The following CPQ variants were observed in gnomAD, a reference collection of about 807,000 sequenced individuals.
CPQ encodes the protein carboxypeptidase Q.
Under a neutral mutation model 45.7 loss-of-function variants are expected in CPQ, and 37 were observed. That is an observed-to-expected ratio of 0.81 (90% CI 0.62 to 1.07). The LOEUF (loss-of-function observed/expected upper bound fraction) is 1.07. Among genes scored for constraint, CPQ ranks in the 50% least tolerant of loss-of-function variants. The pLI is 0.00. For synonymous variants in CPQ, 186 were observed against 205.8 expected, an observed-to-expected ratio of 0.90 and a Z score of 0.82; for missense variants, 537 against 572.9, an observed-to-expected ratio of 0.94 and a Z score of 0.64.
chr8:96,685,109 A>G (rs1048871871), intron 1 of CPQ, among the ~76,000 whole-genome samples: 1 of 151,996 alleles, frequency 6.6e-6, no homozygotes, highest in Non-Finnish European at 1.5e-5. Context: ...CATCTCAAAA[A>G]CAAACAAACA....
chr8:97,076,082 G>A (rs917106482), intron 7 of CPQ, among the ~76,000 whole-genome samples: 2 of 152,156 alleles, frequency 1.3e-5, no homozygotes, highest in African/African-American at 4.8e-5. Flanking sequence ...CTGGAGTGCA[G>A]TAGCACGATC....
At chr8:96,806,609 A>T in intron 2 of CPQ, among the ~76,000 whole-genome samples, 1 of 152,360 alleles carries the variant, frequency 6.6e-6, no homozygotes, top group East Asian at 1.9e-4. Flanking sequence ...TGAATTAAAC[A>T]ACGTTGAATT....
At chr8:96,991,704 T>C (rs1269531084) in intron 5 of CPQ, among the ~76,000 whole-genome samples, 3 of 152,144 alleles carry the variant, frequency 2.0e-5, no homozygotes, top group Non-Finnish European at 4.4e-5. Flanking sequence ...TGTTTAACAC[T>C]GTATCCCCAG....
intron 3 of CPQ, among the ~76,000 whole-genome samples, chr8:96,864,933 G>C (rs1468713099): frequency 6.6e-6 from 1 of 151,920 alleles, no homozygotes; most frequent in Admixed American, 6.6e-5. Context: ...TACTGGACAA[G>C]TTACTTAAAT....
intron 6 of CPQ, among the ~76,000 whole-genome samples, chr8:97,036,156 G>A (rs535103170): frequency 6.6e-6 from 1 of 152,242 alleles, no homozygotes; most frequent in East Asian, 1.9e-4. Context: ...GGAGGACATA[G>A]AAATGCCGTC....
chr8:97,107,871 C>CAA (rs1244431851), intron 7 of CPQ, among the ~76,000 whole-genome samples: 14 of 152,116 alleles, frequency 9.2e-5, no homozygotes, highest in African/African-American at 2.7e-4. Flanking sequence ...AAAGGATAGC[C>CAA]AAAGCCATTA....
chr8:96,663,264 A>C (rs1054239721), intron 1 of CPQ, among the ~76,000 whole-genome samples: 10 of 152,184 alleles, frequency 6.6e-5, no homozygotes, highest in Non-Finnish European at 1.5e-4. Context: ...TTGGCACTGG[A>C]GACTGTCTGG....
At chr8:97,015,829 T>C (rs1013822927) in intron 5 of CPQ, among the ~76,000 whole-genome samples, 1 of 152,116 alleles carries the variant, frequency 6.6e-6, no homozygotes, top group African/African-American at 2.4e-5. Context: ...TTGAACATTA[T>C]TGATTATAAT....
Position 96,854,425 on chromosome 8 carries a change from G to T in CPQ, c.641+19245G>T, listed in dbSNP as rs994051302. ...GGGCGCCTGTAGTCCCAGCTACTTG[G>T]GAGGCTGAGGCAGGAGAATGGCGTG... On this transcript the variant is annotated intron_variant, in intron 3 of 7. Coordinates refer to ENST00000220763, the MANE Select transcript of CPQ (RefSeq NM_016134.4). Among the ~76,000 whole-genome samples the T allele has an allele frequency of 3.4e-5, 5 of 148,030 alleles. No homozygotes were observed. The East Asian group carries it at 7.9e-4, about 24-fold the overall frequency.
chr8:96,777,265 G>A (rs1239472676), intron 1 of CPQ, among the ~76,000 whole-genome samples: 1 of 152,096 alleles, frequency 6.6e-6, no homozygotes, highest in African/African-American at 2.4e-5. Context: ...ATGGTGGAAG[G>A]TACAGCAGCA....
chr8:97,136,674 T>C (rs2130628921), intron 7 of CPQ, among the ~76,000 whole-genome samples: 1 of 152,328 alleles, frequency 6.6e-6, no homozygotes, highest in South Asian at 2.1e-4. Context: ...CTTCACATTC[T>C]TAAACTCCAA....
chr8:96,683,328 A>G (rs531275349), intron 1 of CPQ, among the ~76,000 whole-genome samples: 1 of 152,272 alleles, frequency 6.6e-6, no homozygotes, highest in East Asian at 1.9e-4. Context: ...GGCACTTTGA[A>G]TATATCATTC....
chr8:97,054,123 G>C (rs1192061329), intron 6 of CPQ, among the ~76,000 whole-genome samples: 3 of 152,010 alleles, frequency 2.0e-5, no homozygotes, highest in Admixed American at 6.6e-5. Context: ...TCAATGAATT[G>C]ACATTTCTCA....
intron 1 of CPQ, among the ~76,000 whole-genome samples, chr8:96,744,622 CTG>C (rs1810151108): frequency 6.6e-6 from 1 of 152,146 alleles, no homozygotes; most frequent in Non-Finnish European, 1.5e-5. Flanking sequence ...ACTAATAAAA[CTG>C]TACCAGTTTT....
At chr8:96,780,865 A>G (rs932657988) in intron 1 of CPQ, among the ~76,000 whole-genome samples, 5 of 152,064 alleles carry the variant, frequency 3.3e-5, no homozygotes, top group African/African-American at 1.2e-4. Flanking sequence ...GGCTCAATAT[A>G]TAGAAGCTTA....
intron 6 of CPQ, among the ~76,000 whole-genome samples, chr8:97,045,836 G>T (rs1586512859): frequency 6.6e-6 from 1 of 152,206 alleles, no homozygotes; most frequent in South Asian, 2.1e-4. Context: ...AGGAGTGCAC[G>T]AGCAGAAGTA....
intron 3 of CPQ, among the ~76,000 whole-genome samples, chr8:96,861,304 G>T (rs2130867212): frequency 2.0e-5 from 3 of 152,192 alleles, no homozygotes; most frequent in Admixed American, 2.0e-4. Flanking sequence ...CAGTAATTTA[G>T]AATTTTATGA....
At chr8:97,132,084 T>C (rs1323534278) in intron 7 of CPQ, among the ~76,000 whole-genome samples, 2 of 152,182 alleles carry the variant, frequency 1.3e-5, no homozygotes, top group Non-Finnish European at 2.9e-5. Flanking sequence ...TTGTAAAGAA[T>C]TAGTTAGTCA....
intron 7 of CPQ, among the ~76,000 whole-genome samples, chr8:97,101,939 T>C (rs61632629): frequency 0.057 from 4,254 of 74,028 alleles, 163 homozygotes; most frequent in African/African-American, 0.18. Flanking sequence ...TCTCTCTCTC[T>C]CTCCCTCCCT....
Sources: gnomAD v4.1 joint callset for allele counts (sites outside exome capture counted in the v4.1 genomes callset) on GRCh38, gnomAD v4.1.1 for gene constraint, MANE v1.5 for transcripts, NCBI Gene and HGNC (gene_info 2026-07-23, HGNC 2026-07-21) for gene names.